MACROD2: variants seen among roughly 807,000 people sequenced by gnomAD.
MACROD2 encodes ADP-ribose glycohydrolase MACROD2.
Under a neutral mutation model 70.4 loss-of-function variants are expected in MACROD2, and 36 were observed. That is an observed-to-expected ratio of 0.51 (90% confidence interval 0.39 to 0.68). The LOEUF is 0.68. Ranked by LOEUF, MACROD2 falls within the 30% of genes least tolerant of loss-of-function variation. MACROD2 has a pLI of 0.00. For synonymous variants in MACROD2, 172 were observed against 178.8 expected (o/e 0.96, Z 0.30); for missense variants, 496 against 538.4 (o/e 0.92, Z 0.78).
At chr20:15,525,661 T>C (rs1568867847) in intron 8 of MACROD2, among the ~76,000 whole-genome samples, 1 of 152,230 alleles carries the variant, frequency 6.6e-6, no homozygotes, top group Non-Finnish European at 1.5e-5. Flanking sequence ...CCACAGTAAC[T>C]AGTGAAACTT....
intron 6 of MACROD2, among the ~76,000 whole-genome samples, chr20:15,311,970 A>T (rs1406337638): frequency 6.6e-6 from 1 of 152,220 alleles, no homozygotes; most frequent in African/African-American, 2.4e-5. Flanking sequence ...AATTTTAAAA[A>T]AAAATTGTTT....
At chr20:15,588,906 T>C (rs57864617) in intron 8 of MACROD2, among the ~76,000 whole-genome samples, 4,220 of 152,296 alleles carry the variant, frequency 0.028, 198 homozygotes, top group African/African-American at 0.097. Context: ...CTCTGCCTGT[T>C]ACCCAGTTCC....
intron 3 of MACROD2, among the ~76,000 whole-genome samples, chr20:14,474,148 C>T (rs35171263): frequency 0.15 from 22,499 of 151,536 alleles, 2,358 homozygotes; most frequent in Non-Finnish European, 0.21. Flanking sequence ...TGATTGTTTC[C>T]CTTTGCTGTG....
chr20:15,559,805 A>G (rs1404445516), intron 8 of MACROD2, among the ~76,000 whole-genome samples: 3 of 152,214 alleles, frequency 2.0e-5, no homozygotes, highest in Non-Finnish European at 2.9e-5. Flanking sequence ...CCAATTCTCA[A>G]CAATCTATAG....
intron 8 of MACROD2, among the ~76,000 whole-genome samples, chr20:15,763,660 A>G (rs560231578): frequency 6.9e-6 from 1 of 145,164 alleles, no homozygotes; most frequent in East Asian, 2.1e-4. Context: ...GACAGAAATC[A>G]GATCCAAATA....
At chr20:15,440,703 G>A (rs986538858) in intron 7 of MACROD2, among the ~76,000 whole-genome samples, 5 of 152,144 alleles carry the variant, frequency 3.3e-5, no homozygotes, top group South Asian at 4.2e-4. Context: ...TATTTACAGA[G>A]GAAGGAAGAG....
intron 15 of MACROD2, among the ~76,000 whole-genome samples, chr20:15,988,857 G>C (rs1036891508): frequency 5.9e-5 from 9 of 152,040 alleles, no homozygotes; most frequent in African/African-American, 2.2e-4. Flanking sequence ...GTTTAAATTT[G>C]AAATAATTTT....
intron 13 of MACROD2, among the ~76,000 whole-genome samples, chr20:15,982,848 C>G (rs1292510124): frequency 6.6e-6 from 1 of 152,168 alleles, no homozygotes; most frequent in African/African-American, 2.4e-5. Flanking sequence ...TAAGAGTTAG[C>G]TTATCTGCTT....
chr20:14,055,255 A>G (rs1315253506), intron 2 of MACROD2, among the ~76,000 whole-genome samples: 1 of 152,152 alleles, frequency 6.6e-6, no homozygotes, highest in Non-Finnish European at 1.5e-5. Context: ...GATTAAACAC[A>G]TTGGCGTTCT....
At chr20:14,562,290 A>G (rs185607029) in intron 4 of MACROD2, among the ~76,000 whole-genome samples, 2 of 151,860 alleles carry the variant, frequency 1.3e-5, no homozygotes, top group Non-Finnish European at 2.9e-5. Context: ...AAAAAATTTC[A>G]TTTTGTCTAA....
At chr20:14,862,549 A>T (rs1276350285) in intron 5 of MACROD2, among the ~76,000 whole-genome samples, 1 of 22,122 alleles carries the variant, frequency 4.5e-5, no homozygotes, top group Non-Finnish European at 9.3e-5. Flanking sequence ...ATATAAAAAT[A>T]TATATATAAA....
intron 5 of MACROD2, among the ~76,000 whole-genome samples, chr20:15,168,751 G>A (rs977202614): frequency 6.6e-6 from 1 of 152,152 alleles, no homozygotes; most frequent in African/African-American, 2.4e-5. Context: ...GGAGGCAGAG[G>A]TGGGAGGATT....
At chr20:14,595,273 T>C (rs6079503) in intron 4 of MACROD2, among the ~76,000 whole-genome samples, 149,941 of 152,216 alleles carry the variant, frequency 0.99, 73,890 homozygotes, top group East Asian at 1. Context: ...GTGAGCACGG[T>C]GGGGTTTATT....
chr20:14,280,711 C>G (rs1418407314), intron 3 of MACROD2, among the ~76,000 whole-genome samples: 1 of 152,146 alleles, frequency 6.6e-6, no homozygotes, highest in Non-Finnish European at 1.5e-5. Context: ...AAACATTTCA[C>G]CTTTTTAAGC....
chr20:16,050,057 A>T lies in MACROD2; in HGVS notation c.*181A>T, dbSNP rs2067439143. The T allele has an allele frequency of 1.8e-6, 1 of 565,382 alleles. No homozygotes were observed. Among genetic ancestry groups the T allele is most frequent in the African/African-American group, 1.9e-5 (1 of 52,018 alleles). The allele number at this position is 565,382 out of a possible 1,614,324, so 35.0% of individuals were successfully genotyped here. A position where few individuals can be genotyped will look rare whatever the true frequency, so the allele number is the denominator to read the frequency against. ...TTATCTGCAGAAAAAGAAAGAAAAA[A>T]AAGAAAAAAAAAGTTTCCTTTAATT... On this transcript the variant is annotated 3_prime_UTR_variant, in exon 18 of 18. Coordinates refer to ENST00000684519, the MANE Select transcript of MACROD2 (RefSeq NM_001351661.2).
intron 3 of MACROD2, among the ~76,000 whole-genome samples, chr20:14,134,342 C>T (rs2054761326): frequency 6.6e-6 from 1 of 152,112 alleles, no homozygotes; most frequent in Non-Finnish European, 1.5e-5. Flanking sequence ...ATACCTACCA[C>T]ACAGTTTGGA....
intron 3 of MACROD2, among the ~76,000 whole-genome samples, chr20:14,469,436 G>A (rs763964106): frequency 2.0e-5 from 3 of 152,006 alleles, no homozygotes; most frequent in Non-Finnish European, 4.4e-5. Flanking sequence ...GAGTATCTTT[G>A]TGGTGTTCTC....
At chr20:15,187,410 A>C (rs1324675749) in intron 5 of MACROD2, among the ~76,000 whole-genome samples, 1 of 152,214 alleles carries the variant, frequency 6.6e-6, no homozygotes, top group Admixed American at 6.5e-5. Context: ...ATCCTTGGCT[A>C]ATAGATCTAT....
intron 8 of MACROD2, among the ~76,000 whole-genome samples, chr20:15,706,977 G>C (rs1474571158): frequency 6.6e-6 from 1 of 152,128 alleles, no homozygotes; most frequent in East Asian, 1.9e-4. Flanking sequence ...AAGTTGGATG[G>C]CTTTCTGGAT....
Sources: gnomAD v4.1 joint callset for allele counts (sites outside exome capture counted in the v4.1 genomes callset) on GRCh38, gnomAD v4.1.1 for gene constraint, MANE v1.5 for transcripts, NCBI Gene and HGNC (gene_info 2026-07-23, HGNC 2026-07-21) for gene names.